The following CAPZA1 variants were observed in gnomAD, a reference collection of about 807,000 sequenced individuals.
CAPZA1 encodes F-actin-capping protein subunit alpha-1.
In CAPZA1, 10 loss-of-function variants were observed where a neutral mutation model predicts 40.8. The ratio of observed to expected loss-of-function variants is 0.25; its 90% CI spans 0.15 to 0.42. The LOEUF (loss-of-function observed/expected upper bound fraction) is 0.42, where lower values mean the gene tolerates loss of function less well. Ranked by LOEUF, CAPZA1 falls within the 10% of genes least tolerant of loss-of-function variation. The pLI, the probability that CAPZA1 is intolerant of heterozygous loss-of-function variation, is 1.00. For synonymous variants in CAPZA1, 98 were observed against 115.0 expected (o/e 0.85, Z 0.95); for missense variants, 277 against 353.8 (o/e 0.78, Z 1.74).
chr1:112,640,338 C>T (rs1422097571), intron 1 of CAPZA1, among the ~76,000 whole-genome samples: 9 of 120,422 alleles, frequency 7.5e-5, no homozygotes, highest in Admixed American at 1.7e-4. Context: ...CCCCGCCCGG[C>T]CAGCCGCCCC....
At chr1:112,643,299 A>G (rs1279843862) in intron 1 of CAPZA1, among the ~76,000 whole-genome samples, 1 of 152,024 alleles carries the variant, frequency 6.6e-6, no homozygotes, top group Non-Finnish European at 1.5e-5. Context: ...CTCTCTTTTT[A>G]TTGTTTTTGC....
intron 1 of CAPZA1, among the ~76,000 whole-genome samples, chr1:112,625,462 A>G (rs1308019705): frequency 6.6e-6 from 1 of 152,244 alleles, no homozygotes; most frequent in Non-Finnish European, 1.5e-5. Flanking sequence ...GAATGAATTA[A>G]GAGTGGCAAA....
intron 5 of CAPZA1, among the ~76,000 whole-genome samples, chr1:112,656,928 G>A: frequency 6.8e-6 from 1 of 146,208 alleles, no homozygotes; most frequent in Non-Finnish European, 1.5e-5. Flanking sequence ...TTGAGACAGA[G>A]TCTCACTCTG....
rs1419633729 is a variant in CAPZA1, at chr1:112,669,998, A to G, written c.727A>G (p.Ile243Val). 1.2e-6 allele frequency: 2 copies of G among 1,613,820 alleles called. No homozygotes were observed. The highest frequency in any genetic ancestry group is 1.1e-5 in the South Asian group (1 of 91,058). The stretch of plus-strand genomic sequence containing the variant: ...CTTCAATTATCTATTGCAGACAGCA[A>G]TTAGTGAAAACTATCAAACAATGTC... ...ENAENEYQTA[I>V]SENYQTMSDT... is the part of the protein sequence containing the mutation. Residue 243 changes from isoleucine to valine, a missense_variant, in exon 10 of 10, where the codon ATT becomes GTT. Coordinates refer to ENST00000263168, the MANE Select transcript of CAPZA1 (RefSeq NM_006135.3).
rs754834303 is a variant in CAPZA1 at position 112,659,039 on chromosome 1, C to T, written c.444C>T (p.Ile148=). ...NGFCTVYAKT[I]DGQQTIIACI... is the part of the protein sequence containing the mutation. ...AACAATAGGTTTATGCTAAAACTAT[C>T]GATGGGCAACAGACTATTATTGCAT... Residue 148 remains isoleucine (I), a synonymous_variant, in exon 6 of 10, where the codon ATC becomes ATT. Coordinates refer to ENST00000263168, the MANE Select transcript of CAPZA1 (RefSeq NM_006135.3). The T allele has an allele frequency of 3.4e-5, 55 of 1,612,516 alleles. No individual in the cohort carries two copies. The African/African-American group carries it at 4.1e-4, about 12-fold the overall frequency.
At chr1:112,641,886 CAAA>C (rs56057393) in intron 1 of CAPZA1, among the ~76,000 whole-genome samples, 20 of 98,058 alleles carry the variant, frequency 2.0e-4, no homozygotes, top group African/African-American at 5.2e-4. Context: ...GAGACTGTCT[CAAA>C]AAAAAAAAAA....
intron 1 of CAPZA1, among the ~76,000 whole-genome samples, chr1:112,635,547 C>T (rs1670997006): frequency 7.6e-6 from 1 of 130,910 alleles, no homozygotes; most frequent in African/African-American, 3.1e-5. Context: ...ATGTGTTTGT[C>T]AAGGACTTTT....
rs540051807 is a variant in CAPZA1, at chr1:112,667,732, A to G, written c.657+587A>G. Among the ~76,000 whole-genome samples, 366 of 151,774 alleles carry G rather than the reference A, an allele frequency of 2.4e-3. 3 individuals carry two copies. Among genetic ancestry groups the G allele is most frequent in the East Asian group, 9.8e-4 (5 of 5,092 alleles). ...TATTTTTGGTAGAGATGAGGTTTCT[A>G]TGTTGCTGAGGCTGGTCTCAAACTC... On this transcript the variant is annotated intron_variant, in intron 8 of 9. Transcript: ENST00000263168.
chr1:112,653,557 C>CT (rs372032414), intron 3 of CAPZA1, 41 bp from the exon 4 acceptor site: 85,323 of 780,786 alleles, frequency 0.11, 139 homozygotes, highest in South Asian at 0.14. Flanking sequence ...CTCTCTCCCT[C>CT]TTTTTTTTTT....
At chr1:112,642,656 G>T (rs913056597) in intron 1 of CAPZA1, among the ~76,000 whole-genome samples, 1 of 152,064 alleles carries the variant, frequency 6.6e-6, no homozygotes, top group Non-Finnish European at 1.5e-5. Flanking sequence ...CCAGTCTTCG[G>T]TCTTTATTTA....
intron 3 of CAPZA1, among the ~76,000 whole-genome samples, chr1:112,652,046 G>A (rs939656601): frequency 1.3e-5 from 2 of 151,982 alleles, no homozygotes; most frequent in East Asian, 1.9e-4. Flanking sequence ...ACTTGAATCC[G>A]GAAGGCAGAG....
chr1:112,640,663 C>G (rs948974811), intron 1 of CAPZA1, among the ~76,000 whole-genome samples: 3 of 152,178 alleles, frequency 2.0e-5, no homozygotes, highest in Non-Finnish European at 4.4e-5. Context: ...TCTGCCCGGC[C>G]GCCCCTGCTG....
At chr1:112,642,950 A>G (rs1359652776) in intron 1 of CAPZA1, among the ~76,000 whole-genome samples, 1 of 152,142 alleles carries the variant, frequency 6.6e-6, no homozygotes, top group African/African-American at 2.4e-5. Flanking sequence ...CTTTTTTGAT[A>G]GTGTGTGAAT....
intron 8 of CAPZA1, among the ~76,000 whole-genome samples, chr1:112,668,113 T>G (rs1418168310): frequency 6.6e-6 from 1 of 151,820 alleles, no homozygotes; most frequent in Non-Finnish European, 1.5e-5. Flanking sequence ...GGTGAAACCC[T>G]GTCTCTACAA....
At chr1:112,650,824 G>A (rs994399053) in intron 3 of CAPZA1, among the ~76,000 whole-genome samples, 8 of 152,090 alleles carry the variant, frequency 5.3e-5, no homozygotes, top group Non-Finnish European at 8.8e-5. Flanking sequence ...GTAGCTTCTC[G>A]GCCTTTTGGC....
chr1:112,657,680 C>T (rs1193014584), intron 5 of CAPZA1, among the ~76,000 whole-genome samples: 8 of 152,126 alleles, frequency 5.3e-5, no homozygotes, highest in African/African-American at 1.4e-4. Flanking sequence ...CAACCTCCGC[C>T]TCTCAGGTTC....
chr1:112,644,817 A>T (rs1316785612), intron 1 of CAPZA1, among the ~76,000 whole-genome samples: 1 of 152,168 alleles, frequency 6.6e-6, no homozygotes, highest in Non-Finnish European at 1.5e-5. Flanking sequence ...CTATGTATAG[A>T]TACTGCCAAA....
intron 1 of CAPZA1, among the ~76,000 whole-genome samples, chr1:112,622,365 T>TAATAACTTTTA (rs1553178141): frequency 6.6e-6 from 1 of 152,242 alleles, no homozygotes; most frequent in Non-Finnish European, 1.5e-5. Flanking sequence ...GTTGAAAGTG[T>TAATAACTTTTA]AATAACTTTT....
At chr1:112,653,699 T>TC (rs753233394) in intron 4 of CAPZA1, 38 bp downstream of exon 4, 2 of 1,338,524 alleles carry the variant, frequency 1.5e-6, no homozygotes. Context: ...GCCTGGCAGA[T>TC]AGTAGAGATC....
Sources: gnomAD v4.1 joint callset for allele counts (sites outside exome capture counted in the v4.1 genomes callset) on GRCh38, gnomAD v4.1.1 for gene constraint, MANE v1.5 for transcripts, NCBI Gene and HGNC (gene_info 2026-07-23, HGNC 2026-07-21) for gene names.